TYRP1: variants seen among roughly 807,000 people sequenced by gnomAD.
The protein encoded by TYRP1 is 5,6-dihydroxyindole-2-carboxylic acid oxidase.
Under a neutral mutation model 42.8 loss-of-function variants are expected in TYRP1, and 49 were observed. The ratio of observed to expected loss-of-function variants is 1.14; its 90% CI spans 0.91 to 1.45. TYRP1 has a LOEUF of 1.45. Ranked by LOEUF, TYRP1 falls within the 40% of genes most tolerant of loss-of-function variation. The pLI is 0.00. For missense variants in TYRP1, 848 were observed against 662.0 expected (o/e 1.28, Z -3.08); for synonymous variants, 279 against 235.4 (o/e 1.19, Z -1.69).
At chr9:12,704,418 G>C in intron 5 of TYRP1, 108 bp from the exon 6 acceptor site, 1 of 1,245,090 alleles carries the variant, frequency 8.0e-7, no homozygotes, top group Non-Finnish European at 1.1e-6. Context: ...GCAAAAATTG[G>C]CCTGACGAGC....
chr9:12,705,753 A>C (rs1307819925), intron 6 of TYRP1, among the ~76,000 whole-genome samples: 3 of 151,984 alleles, frequency 2.0e-5, no homozygotes, highest in Admixed American at 6.6e-5. Flanking sequence ...AGGCTGAGGC[A>C]GGAGAATCAC....
At chr9:12,707,961 T>A in intron 6 of TYRP1, 36 bp from the exon 7 acceptor site, 1 of 1,571,310 alleles carries the variant, frequency 6.4e-7, no homozygotes, top group Non-Finnish European at 8.7e-7. Context: ...TTAATTTTAT[T>A]ATGTTTATTA....
chr9:12,701,216 AT>A lies in TYRP1; in HGVS notation c.914-1046del, dbSNP rs1019002866. On this transcript the variant is annotated intron_variant, in intron 4 of 7. Coordinates refer to ENST00000388918, the MANE Select transcript of TYRP1 (RefSeq NM_000550.3). ...CATAACTTTCTTATCTTGATACTTG[AT>A]TTTTTTTTCACAATATAGCTCTGGT... 4.6e-5 allele frequency among the ~76,000 whole-genome samples: 7 copies of A among 150,924 alleles called. No homozygotes were observed. The South Asian group carries it at 6.3e-4, about 14-fold the overall frequency.
chr9:12,702,501 A>G (rs1267494984), intron 5 of TYRP1, 63 bp downstream of exon 5: 1 of 1,540,530 alleles, frequency 6.5e-7, no homozygotes, highest in African/African-American at 1.4e-5. Context: ...AATTATTCAA[A>G]AGCAAGTTTC....
At chr9:12,697,349 T>C (rs1818094404) in intron 3 of TYRP1, among the ~76,000 whole-genome samples, 1 of 152,130 alleles carries the variant, frequency 6.6e-6, no homozygotes, top group Admixed American at 6.6e-5. Context: ...ATGCTCTGGC[T>C]CCCAAATGTC....
chr9:12,708,050 A>C lies in TYRP1; in HGVS notation c.1315A>C (p.Asn439His). The C allele has an allele frequency of 6.2e-7, 1 of 1,612,770 alleles. No individual in the cohort carries two copies. The highest frequency in any genetic ancestry group is 8.5e-7 in the Non-Finnish European group (1 of 1,179,266). The change falls in exon 7 of 8, where the codon AAC becomes CAC. Residue 439 changes from asparagine (N) to histidine (H), a missense_variant. Transcript: ENST00000388918. ...CCCTATTGGACATAATAGACAATAC[A>C]ACATGGTGCCATTCTGGCCCCCAGT... ...NAPIGHNRQY[N>H]MVPFWPPVTN...
intron 7 of TYRP1, 99 bp from the exon 8 acceptor site, chr9:12,708,878 T>G: frequency 2.6e-6 from 3 of 1,151,054 alleles, no homozygotes; most frequent in South Asian, 2.6e-5. Context: ...AATATGAGGA[T>G]TTCTGTTAAA....
rs563916733 is a variant in TYRP1, at chr9:12,693,950, A to G, written c.-47A>G. 7.4e-5 allele frequency: 120 copies of G among 1,611,542 alleles called. 1 individual carries two copies. The highest frequency in any genetic ancestry group is 5.5e-4 in the South Asian group (50 of 90,786). On this transcript the variant is annotated 5_prime_UTR_variant, in exon 2 of 8. Coordinates refer to ENST00000388918, the MANE Select transcript of TYRP1 (RefSeq NM_000550.3). Reference sequence around the variant, plus strand: ...TACGTGCTTCAGTCTTCTCTACACAAAGAGCTGCAAACCAGGTCTTTGTTT... The same window carrying G: ...TACGTGCTTCAGTCTTCTCTACACAGAGAGCTGCAAACCAGGTCTTTGTTT...
intron 5 of TYRP1, 112 bp downstream of exon 5, chr9:12,702,550 T>G: frequency 1.8e-6 from 2 of 1,116,228 alleles, no homozygotes; most frequent in Non-Finnish European, 2.6e-6. Context: ...TCCTGTGTGT[T>G]TATGTGAATG....
In TYRP1 at chr9:12,694,306, A is replaced by G. The variant is rs766994533; in HGVS notation, c.310A>G (p.Asn104Asp). 1.2e-6 allele frequency: 2 copies of G among 1,614,054 alleles called. No homozygotes were observed. Among genetic ancestry groups the G allele is most frequent in the South Asian group, 1.1e-5 (1 of 91,054 alleles). The change falls in exon 2 of 8, where the codon AAT (asparagine) becomes GAT (aspartate). Residue 104 changes from asparagine (N) to aspartate (D), a missense_variant. Physicochemically the swap from Asn to Asp is conservative, Grantham distance 23. Coordinates refer to ENST00000388918, the MANE Select transcript of TYRP1 (RefSeq NM_000550.3). ...FFNRTCHCNGNFSGHNCGTCR... is the reference protein window; with the variant it reads ...FFNRTCHCNGDFSGHNCGTCR... ...CAATAGGACATGTCACTGCAACGGC[A>G]ATTTCTCAGGACACAACTGTGGGAC... is the stretch of plus-strand genomic sequence containing the variant.
Position 12,702,412 on chromosome 9 carries a change from C to T in TYRP1, c.1055C>T (p.Thr352Ile). 1 of 1,612,524 alleles carries T rather than the reference C, an allele frequency of 6.2e-7. No individual in the cohort carries two copies. The highest frequency in any genetic ancestry group is 8.5e-7 in the Non-Finnish European group (1 of 1,179,032). The change falls in exon 5 of 8, where the codon ACA becomes ATA. Residue 352 changes from threonine (T) to isoleucine (I), a missense_variant. Thr to Ile is a moderately conservative substitution (Grantham distance 89, BLOSUM62 -1). Transcript: ENST00000388918. ...ACGCCTCCTTTTTATTCCAACTCTA[C>T]AAACAGTTTCCGAAACACAGTGGAA... Reference protein sequence around the residue: ...FDTPPFYSNSTNSFRNTVEGY... With the variant: ...FDTPPFYSNSINSFRNTVEGY...
intron 7 of TYRP1, 131 bp from the exon 8 acceptor site, chr9:12,708,846 G>C (rs898968568): frequency 1.7e-4 from 142 of 845,138 alleles, no homozygotes; most frequent in Admixed American, 1.4e-3. Context: ...TGGCTTCAAG[G>C]CCATGTGGCC....
At position 12,697,691 on chromosome 9, in the gene TYRP1, C is replaced by T. The variant is rs534979954; in HGVS notation, c.709-760C>T. Among the ~76,000 whole-genome samples the T allele has an allele frequency of 7.2e-5, 11 of 152,146 alleles. 2 individuals are homozygous for T. Among genetic ancestry groups the T allele is most frequent in the African/African-American group, 2.6e-4 (11 of 41,518 alleles). On this transcript the variant is annotated intron_variant, in intron 3 of 7. Coordinates refer to ENST00000388918, the MANE Select transcript of TYRP1 (RefSeq NM_000550.3). ...ACAAGGAAATGTATGTTTTAAAGAA[C>T]CGAATGAAATAAGCATGTGATCTTG...
rs746135416 is a variant in TYRP1, at chr9:12,702,354, G to A, written c.997G>A (p.Val333Ile). ...MVQRLPEPQD[V>I]AQCLEVGLFD... ...GCAACGTCTTCCTGAACCACAGGATGTCGCTCAGTGCTTGGAAGTTGGTTT... is the reference window on the plus strand; with the variant it reads ...GCAACGTCTTCCTGAACCACAGGATATCGCTCAGTGCTTGGAAGTTGGTTT... The change falls in exon 5 of 8, where the codon GTC (valine) becomes ATC (isoleucine). Residue 333 changes from valine to isoleucine, a missense_variant. By Grantham distance (29) the Val-to-Ile change is conservative. Coordinates refer to ENST00000388918, the MANE Select transcript of TYRP1 (RefSeq NM_000550.3). The A allele has an allele frequency of 1.2e-6, 2 of 1,613,030 alleles. No homozygotes were observed. Among genetic ancestry groups the A allele is most frequent in the East Asian group, 2.2e-5 (1 of 44,822 alleles).
At chr9:12,703,870 AATATAT>A (rs764992716) in intron 5 of TYRP1, among the ~76,000 whole-genome samples, 1 of 117,742 alleles carries the variant, frequency 8.5e-6, no homozygotes, top group Non-Finnish European at 1.8e-5. Flanking sequence ...TTATATATGG[AATATAT>A]ATATATATGT....
At chr9:12,698,377 C>A in intron 3 of TYRP1, 74 bp from the exon 4 acceptor site, 1 of 1,412,590 alleles carries the variant, frequency 7.1e-7, no homozygotes, top group Non-Finnish European at 1.0e-6. Context: ...AATAGACTGT[C>A]AGAGAGTAGA....
chr9:12,696,649 A>G (rs1167878545), intron 3 of TYRP1, among the ~76,000 whole-genome samples: 1 of 152,156 alleles, frequency 6.6e-6, no homozygotes, highest in Non-Finnish European at 1.5e-5. Flanking sequence ...CTTATTTTCT[A>G]AGCAGATAAG....
intron 5 of TYRP1, among the ~76,000 whole-genome samples, chr9:12,703,952 AT>A (rs1818217980): frequency 6.6e-6 from 1 of 151,502 alleles, no homozygotes; most frequent in Non-Finnish European, 1.5e-5. Context: ...TGAGATATTT[AT>A]CAAAAGCTGT....
Position 12,710,089 on chromosome 9 carries a change from A to C in TYRP1, c.*907A>C, listed in dbSNP as rs1306742945. The C allele has an allele frequency of 6.6e-6, 1 of 151,766 alleles. No homozygotes were observed. Among genetic ancestry groups the C allele is most frequent in the Admixed American group, 6.6e-5 (1 of 15,168 alleles). 9.4% of individuals were successfully genotyped at this position (151,766 alleles called of 1,614,324 possible). A position where few individuals can be genotyped will look rare whatever the true frequency, so the allele number is the denominator to read the frequency against. On this transcript the variant is annotated 3_prime_UTR_variant, in exon 8 of 8. Transcript: ENST00000388918. ...TTTCCAAGTAAAATATTAACATATT[A>C]TTTCATTGGTCTTCTTTTTTATCTG...
Sources: allele counts gnomAD v4.1 joint callset (sites outside exome capture counted in the v4.1 genomes callset), GRCh38; gene constraint gnomAD v4.1.1; transcripts MANE v1.5; gene names NCBI Gene and HGNC (gene_info 2026-07-23, HGNC 2026-07-21).